The following NR3C2 variants were observed in gnomAD, a reference collection of about 807,000 sequenced individuals.
NR3C2 encodes mineralocorticoid receptor.
NR3C2 carries 15 observed loss-of-function variants against 86.4 expected under a neutral mutation model. The observed-to-expected ratio is 0.17, with a 90% CI of 0.12 to 0.27. The LOEUF is 0.27. NR3C2 is among the 10% of genes least tolerant of loss of function. The pLI is 1.00. For missense variants in NR3C2, 960 were observed against 1,195.6 expected (o/e 0.80, Z 2.91); for synonymous variants, 458 against 450.5 (o/e 1.02, Z -0.21).
At chr4:148,400,347 C>T (rs1748084153) in intron 2 of NR3C2, among the ~76,000 whole-genome samples, 2 of 152,176 alleles carry the variant, frequency 1.3e-5, no homozygotes, top group African/African-American at 2.4e-5. Flanking sequence ...GGGAAGTAGA[C>T]ATTAGCTCTG....
chr4:148,279,112 G>A (rs1270107347), intron 2 of NR3C2, among the ~76,000 whole-genome samples: 5 of 152,134 alleles, frequency 3.3e-5, no homozygotes, highest in Admixed American at 6.6e-5. Flanking sequence ...GCAGTGAGCC[G>A]AGATTTCACC....
intron 7 of NR3C2, among the ~76,000 whole-genome samples, chr4:148,116,426 T>C (rs950391254): frequency 6.6e-6 from 1 of 152,216 alleles, no homozygotes; most frequent in African/African-American, 2.4e-5. Context: ...AATTTACTTA[T>C]TAAATGCAGC....
intron 6 of NR3C2, among the ~76,000 whole-genome samples, chr4:148,142,385 G>T (rs1037903846): frequency 2.0e-5 from 3 of 152,138 alleles, no homozygotes; most frequent in African/African-American, 7.2e-5. Context: ...ATAGATCCTA[G>T]ATCACACAGT....
At chr4:148,429,402 C>G (rs1749696870) in intron 2 of NR3C2, among the ~76,000 whole-genome samples, 1 of 152,196 alleles carries the variant, frequency 6.6e-6, no homozygotes, top group Admixed American at 6.5e-5. Flanking sequence ...ATACTCCCTC[C>G]CTAAGGTATT....
chr4:148,434,699 A>C (rs1038561842), intron 2 of NR3C2, among the ~76,000 whole-genome samples: 17 of 152,238 alleles, frequency 1.1e-4, no homozygotes, highest in Non-Finnish European at 2.2e-4. Flanking sequence ...TAATAAAAAA[A>C]AGGACTAAGA....
chr4:148,138,796 G>A (rs1324318038), intron 6 of NR3C2, among the ~76,000 whole-genome samples: 1 of 152,206 alleles, frequency 6.6e-6, no homozygotes, highest in African/African-American at 2.4e-5. Context: ...AAATGCAACA[G>A]TGTTGAGAGG....
At chr4:148,142,451 G>A (rs1420328748) in intron 6 of NR3C2, among the ~76,000 whole-genome samples, 1 of 152,120 alleles carries the variant, frequency 6.6e-6, no homozygotes, top group Non-Finnish European at 1.5e-5. Context: ...AGTGTTGGAG[G>A]TGGGGCCTGG....
At chr4:148,407,174 C>G (rs539791321) in intron 2 of NR3C2, among the ~76,000 whole-genome samples, 3 of 152,178 alleles carry the variant, frequency 2.0e-5, no homozygotes, top group African/African-American at 7.2e-5. Context: ...AACAACTGTC[C>G]AGAGCCAGAA....
At chr4:148,405,784 C>G (rs1748390758) in intron 2 of NR3C2, among the ~76,000 whole-genome samples, 2 of 152,198 alleles carry the variant, frequency 1.3e-5, no homozygotes, top group South Asian at 4.1e-4. Context: ...GTCTGACGCA[C>G]AGGTGCAGTG....
chr4:148,349,836 T>C (rs555503535), intron 2 of NR3C2, among the ~76,000 whole-genome samples: 2 of 152,304 alleles, frequency 1.3e-5, no homozygotes, highest in South Asian at 4.1e-4. Flanking sequence ...GTTTATGGTC[T>C]ATATTGTTGG....
intron 2 of NR3C2, 35 bp from the exon 3 acceptor site, chr4:148,260,152 C>T (rs758846422): frequency 1.6e-5 from 26 of 1,612,866 alleles, no homozygotes; most frequent in East Asian, 4.5e-5. Context: ...ATAACTACAC[C>T]GTAAAGGCAC....
At chr4:148,363,058 C>T (rs1403868096) in intron 2 of NR3C2, among the ~76,000 whole-genome samples, 2 of 152,144 alleles carry the variant, frequency 1.3e-5, no homozygotes, top group African/African-American at 4.8e-5. Flanking sequence ...ACAACGTTGC[C>T]TTGCCTTCCT....
chr4:148,321,591 G>C (rs1234222834), intron 2 of NR3C2, among the ~76,000 whole-genome samples: 2 of 152,138 alleles, frequency 1.3e-5, no homozygotes, highest in African/African-American at 2.4e-5. Flanking sequence ...ATTTAGGATA[G>C]TTAGCTCTTC....
chr4:148,439,189 G>A (rs1750214481), intron 1 of NR3C2, among the ~76,000 whole-genome samples: 1 of 152,082 alleles, frequency 6.6e-6, no homozygotes, highest in Non-Finnish European at 1.5e-5. Flanking sequence ...TTTAGTCATA[G>A]CTATGTATTG....
intron 2 of NR3C2, among the ~76,000 whole-genome samples, chr4:148,433,367 G>T (rs1337587294): frequency 6.6e-6 from 1 of 152,078 alleles, no homozygotes; most frequent in Non-Finnish European, 1.5e-5. Flanking sequence ...TAAAATATGA[G>T]TTTAATCATA....
chr4:148,284,086 G>T (rs1741391983), intron 2 of NR3C2, among the ~76,000 whole-genome samples: 1 of 152,162 alleles, frequency 6.6e-6, no homozygotes. Flanking sequence ...AAGGGGTGGG[G>T]GCCTAATGGA....
intron 2 of NR3C2, among the ~76,000 whole-genome samples, chr4:148,359,820 A>G (rs1037237552): frequency 2.0e-5 from 3 of 152,306 alleles, no homozygotes; most frequent in Middle Eastern, 6.8e-3. Flanking sequence ...TATAAACCTT[A>G]AGAATGGCAA....
At chr4:148,430,281 T>C (rs1250007936) in intron 2 of NR3C2, among the ~76,000 whole-genome samples, 3 of 152,148 alleles carry the variant, frequency 2.0e-5, no homozygotes, top group Non-Finnish European at 4.4e-5. Flanking sequence ...TTTTAAAGTA[T>C]GATGTAAATA....
chr4:148,096,640 C>T (rs1201961441), intron 8 of NR3C2, among the ~76,000 whole-genome samples: 3 of 152,100 alleles, frequency 2.0e-5, no homozygotes, highest in Non-Finnish European at 2.9e-5. Flanking sequence ...CAAATCTGGC[C>T]TCATGCTTTT....
Sources: gnomAD v4.1 joint callset for allele counts (sites outside exome capture counted in the v4.1 genomes callset) on GRCh38, gnomAD v4.1.1 for gene constraint, MANE v1.5 for transcripts, NCBI Gene and HGNC (gene_info 2026-07-23, HGNC 2026-07-21) for gene names.